The following TTC8 variants were observed in gnomAD, a reference collection of about 807,000 sequenced individuals.
The protein encoded by TTC8 is tetratricopeptide repeat domain 8, also known as tetratricopeptide repeat protein 8.
TTC8 carries 47 observed loss-of-function variants against 72.5 expected under a neutral mutation model. The ratio of observed to expected loss-of-function variants is 0.65; its 90% CI spans 0.51 to 0.83. TTC8 has a LOEUF of 0.83. TTC8 is among the 40% of genes least tolerant of loss of function. The pLI is 0.00. For missense variants in TTC8, 611 were observed against 623.2 expected (o/e 0.98, Z 0.21); for synonymous variants, 199 against 221.4 (o/e 0.90, Z 0.90).
chr14:88,870,458 T>C (rs545481138), intron 11 of TTC8, among the ~76,000 whole-genome samples: 1 of 152,366 alleles, frequency 6.6e-6, no homozygotes, highest in South Asian at 2.1e-4. Context: ...TTAGCCATTT[T>C]GTCATCAACC....
intron 2 of TTC8, among the ~76,000 whole-genome samples, chr14:88,836,490 TAA>T (rs5810432): frequency 6.0e-4 from 81 of 134,280 alleles, no homozygotes; most frequent in Admixed American, 6.8e-4. Context: ...GAGCCTGTCT[TAA>T]AAAAAAAAAA....
intron 2 of TTC8, among the ~76,000 whole-genome samples, chr14:88,834,318 G>T (rs2094739852): frequency 1.3e-5 from 2 of 152,188 alleles, no homozygotes; most frequent in South Asian, 4.1e-4. Context: ...CTGGGAGAGA[G>T]GAGGGGGACA....
downstream of TTC8, chr14:88,880,348 T>C (rs1223842844): frequency 6.6e-6 from 1 of 152,196 alleles, no homozygotes; most frequent in East Asian, 1.9e-4. Flanking sequence ...ACAACATTTT[T>C]GAGAGAGACT....
At position 88,853,015 on chromosome 14, in the gene TTC8, G is replaced by A. The variant is rs141304350; in HGVS notation, c.669G>A (p.Lys223=). The A allele has an allele frequency of 5.8e-4, 942 of 1,613,556 alleles. 10 individuals are homozygous for A. Among genetic ancestry groups the A allele is most frequent in the South Asian group, 4.1e-3 (375 of 91,078 alleles). The part of the protein sequence containing the change: ...AALSTEHSQY[K]DWWWKVQIGK... Reference sequence around the variant, plus strand: ...TCTCCACAGAACATTCTCAGTACAAGGACTGGTGGTGGAAAGTACAGATTG... The same window carrying A: ...TCTCCACAGAACATTCTCAGTACAAAGACTGGTGGTGGAAAGTACAGATTG... Residue 223 remains lysine (K), a synonymous_variant, in exon 8 of 15, where the codon AAG becomes AAA. Transcript: ENST00000380656.
rs1275511117 is a variant in TTC8, at chr14:88,870,097, A to G, written c.948A>G (p.Lys316=). ...TGTCATCAGCAGCAGAATATTACAA[A>G]GAAGTTTTGAAACAAGACAATACTC... ...NNMSSAAEYY[K]EVLKQDNTHV... Residue 316 remains lysine, a synonymous_variant, in exon 11 of 15, where the codon AAA becomes AAG. Coordinates refer to ENST00000380656, the MANE Select transcript of TTC8 (RefSeq NM_144596.4). 1.1e-5 allele frequency: 17 copies of G among 1,614,080 alleles called. No homozygotes were observed. The highest frequency in any genetic ancestry group is 1.3e-5 in the Non-Finnish European group (15 of 1,179,956).
chr14:88,824,790 C>A lies in TTC8; in HGVS notation c.83C>A (p.Thr28Lys), dbSNP rs1169043172. The change falls in exon 1 of 15, where the codon ACG becomes AAG. Residue 28 changes from threonine to lysine, a missense_variant. Coordinates refer to ENST00000380656, the MANE Select transcript of TTC8 (RefSeq NM_144596.4). ...TTCCAGCTCTGCGCCGATCTATGCA[C>A]GCAGATGCTGGAGAAGTCCCCTTAT... ...RKFQLCADLC[T>K]QMLEKSPYDQ... 6.2e-7 allele frequency: 1 copy of A among 1,613,502 alleles called. No individual in the cohort carries two copies. The highest frequency in any genetic ancestry group is 8.5e-7 in the Non-Finnish European group (1 of 1,179,776).
chr14:88,858,599 T>C (rs10131709), intron 9 of TTC8, among the ~76,000 whole-genome samples: 51,287 of 149,612 alleles, frequency 0.34, 8,937 homozygotes, highest in Non-Finnish European at 0.39. Context: ...ACTTAAACAA[T>C]TTTTTTTTTT....
At chr14:88,839,672 A>G (rs1210711850) in intron 3 of TTC8, 100 bp downstream of exon 3, 6 of 1,322,366 alleles carry the variant, frequency 4.5e-6, no homozygotes, top group Admixed American at 3.8e-5. Flanking sequence ...TACACTTTAT[A>G]TATATAAACA....
chr14:88,830,961 C>T (rs2094722843), intron 1 of TTC8: 4 of 455,602 alleles, frequency 8.8e-6, no homozygotes, highest in Non-Finnish European at 1.8e-5. Flanking sequence ...TCCTTGCTGT[C>T]ATCCCACATA....
intron 1 of TTC8, 75 bp downstream of exon 1, chr14:88,824,896 G>T (rs1444442339): frequency 2.9e-6 from 4 of 1,400,840 alleles, no homozygotes; most frequent in Admixed American, 1.9e-5. Flanking sequence ...CCAGCCCCGG[G>T]TTGGGAGGCC....
At chr14:88,853,082 T>G in intron 8 of TTC8, 26 bp downstream of exon 8, 1 of 1,564,966 alleles carries the variant, frequency 6.4e-7, no homozygotes, top group Non-Finnish European at 8.8e-7. Flanking sequence ...TGTGAAGGGC[T>G]TAGAAGTGGC....
rs1319229596 is a variant in TTC8 at position 88,877,398 on chromosome 14, T to G, written c.1536T>G (p.Phe512Leu). The change falls in exon 15 of 15, where the codon TTT becomes TTG. Residue 512 changes from phenylalanine to leucine, a missense_variant. By Grantham distance (22) the Phe-to-Leu change is conservative. Coordinates refer to ENST00000380656, the MANE Select transcript of TTC8 (RefSeq NM_144596.4). ...QHLIKQLRQH[F>L]AML ...TAATTAAACAATTAAGGCAGCATTT[T>G]GCTATGCTCTGATTGTTCCTTAGAC... 3 of 1,613,178 alleles carry G rather than the reference T, an allele frequency of 1.9e-6. No homozygotes were observed. Among genetic ancestry groups the G allele is most frequent in the Admixed American group, 1.7e-5 (1 of 59,988 alleles).
In TTC8 at chr14:88,832,303, A is replaced by G. The variant is rs117076962; in HGVS notation, c.115-1390A>G. 7.6e-4 allele frequency among the ~76,000 whole-genome samples: 115 copies of G among 152,312 alleles called. 1 individual carries two copies. The East Asian group carries it at 0.017, about 23-fold the overall frequency. ...GGAGGAATCTACCTGCCCTTGGCAA[A>G]TCACAGCATCCAGTATCAGTGGCTT... On this transcript the variant is annotated intron_variant, in intron 1 of 14. Coordinates refer to ENST00000380656, the MANE Select transcript of TTC8 (RefSeq NM_144596.4).
intron 10 of TTC8, among the ~76,000 whole-genome samples, chr14:88,867,046 A>G (rs1283922713): frequency 1.3e-5 from 2 of 152,220 alleles, no homozygotes; most frequent in African/African-American, 4.8e-5. Context: ...ATCAGCAAAG[A>G]TGAAGAAGTT....
intron 10 of TTC8, among the ~76,000 whole-genome samples, chr14:88,861,809 C>T (rs978474436): frequency 6.6e-6 from 1 of 152,144 alleles, no homozygotes; most frequent in East Asian, 1.9e-4. Flanking sequence ...CTACAAATGA[C>T]AGGATTTCAT....
intron 9 of TTC8, among the ~76,000 whole-genome samples, chr14:88,859,881 T>TAA (rs1381098510): frequency 7.2e-6 from 1 of 138,398 alleles, no homozygotes. Context: ...ATATATTATA[T>TAA]ATTATATAAT....
At chr14:88,838,416 C>T (rs2140971230) in intron 2 of TTC8, among the ~76,000 whole-genome samples, 1 of 152,288 alleles carries the variant, frequency 6.6e-6, no homozygotes, top group Non-Finnish European at 1.5e-5. Context: ...CTGTAGCTCT[C>T]ACCTGTTCCT....
intron 2 of TTC8, among the ~76,000 whole-genome samples, chr14:88,836,600 T>A (rs1357669011): frequency 1.3e-5 from 2 of 152,106 alleles, no homozygotes; most frequent in African/African-American, 4.8e-5. Context: ...TAGCCTAATA[T>A]AAAAAATTTC....
At chr14:88,837,338 A>G (rs930140987) in intron 2 of TTC8, among the ~76,000 whole-genome samples, 1 of 151,602 alleles carries the variant, frequency 6.6e-6, no homozygotes, top group Non-Finnish European at 1.5e-5. Context: ...CTTCACTTCT[A>G]CCCTTCCTTC....
Sources: gnomAD v4.1 joint callset for allele counts (sites outside exome capture counted in the v4.1 genomes callset) on GRCh38, gnomAD v4.1.1 for gene constraint, MANE v1.5 for transcripts, NCBI Gene and HGNC (gene_info 2026-07-23, HGNC 2026-07-21) for gene names.